Variants in PLCG2 observed in about 807,000 individuals in gnomAD.
PLCG2 encodes the protein 1-phosphatidylinositol 4,5-bisphosphate phosphodiesterase gamma-2.
Under a neutral mutation model 175.6 loss-of-function variants are expected in PLCG2, and 69 were observed. That is an observed-to-expected ratio of 0.39 (90% CI 0.32 to 0.48). The LOEUF (loss-of-function observed/expected upper bound fraction) is 0.48. Among genes scored for constraint, PLCG2 ranks in the 20% least tolerant of loss-of-function variants. PLCG2 has a pLI of 0.91. For missense variants in PLCG2, 1,798 were observed against 1,650.9 expected (o/e 1.09, Z -1.54); for synonymous variants, 827 against 624.0 (o/e 1.33, Z -4.85).
intron 9 of PLCG2, among the ~76,000 whole-genome samples, chr16:81,883,964 C>T (rs1225213661): frequency 6.6e-6 from 1 of 152,168 alleles, no homozygotes; most frequent in Non-Finnish European, 1.5e-5. Flanking sequence ...CGTGTCACAG[C>T]GGGAGGCTGC....
intron 9 of PLCG2, 78 bp from the exon 10 acceptor site, chr16:81,889,094 G>T (rs1210584260): frequency 2.3e-6 from 2 of 852,148 alleles, no homozygotes; most frequent in Middle Eastern, 2.3e-4. Flanking sequence ...CTTCGATTGC[G>T]ACTGGATGGA....
In PLCG2 at chr16:81,959,139, G is replaced by C. The variant is rs1911687864; in HGVS notation, c.*1141G>C. On this transcript the variant is annotated 3_prime_UTR_variant, in exon 33 of 33. Transcript: ENST00000564138. ...GGGTTGGGAAGGGAGGTGGTTGGTA[G>C]AGTCACAACTTCTCAATGAGTGAAT... 1 of 224,174 alleles carries C rather than the reference G, an allele frequency of 4.5e-6. No homozygotes were observed. Among genetic ancestry groups the C allele is most frequent in the Non-Finnish European group, 8.9e-6 (1 of 112,398 alleles). The allele number at this position is 224,174 out of a possible 1,614,324, so 13.9% of individuals were successfully genotyped here.
chr16:81,957,004 ATGGTGG>A (rs1911600614), intron 32 of PLCG2, 125 bp downstream of exon 32: 31 of 607,782 alleles, frequency 5.1e-5, no homozygotes, highest in Non-Finnish European at 7.3e-5. Context: ...TTGGCCGGGC[ATGGTGG>A]CTCACAGGCC....
chr16:81,860,387 G>A (rs1906922033), intron 5 of PLCG2, among the ~76,000 whole-genome samples: 1 of 151,922 alleles, frequency 6.6e-6, no homozygotes, highest in Non-Finnish European at 1.5e-5. Context: ...CTCATTTGAG[G>A]GAGCTGTGAG....
At chr16:81,769,904 C>T (rs992791567) in intron 2 of PLCG2, among the ~76,000 whole-genome samples, 11 of 151,688 alleles carry the variant, frequency 7.3e-5, no homozygotes, top group South Asian at 4.2e-4. Flanking sequence ...TCACACCTGC[C>T]GGTCGCTTAA....
At chr16:81,844,615 C>T (rs1438371742) in intron 2 of PLCG2, among the ~76,000 whole-genome samples, 3 of 152,246 alleles carry the variant, frequency 2.0e-5, no homozygotes, top group Non-Finnish European at 4.4e-5. Context: ...AGCCACTGTG[C>T]CTGGCCCACA....
intron 19 of PLCG2, among the ~76,000 whole-genome samples, chr16:81,919,052 C>T (rs1050065377): frequency 1.3e-5 from 2 of 152,168 alleles, no homozygotes; most frequent in Non-Finnish European, 2.9e-5. Context: ...TCTGTTGCAG[C>T]TACACAACTC....
chr16:81,876,981 G>A (rs999522603), intron 7 of PLCG2, among the ~76,000 whole-genome samples: 2 of 152,184 alleles, frequency 1.3e-5, no homozygotes, highest in African/African-American at 2.4e-5. Context: ...CCTTGGACTT[G>A]TTAGGAGAAA....
chr16:81,944,964 T>C (rs1253522918), intron 30 of PLCG2, among the ~76,000 whole-genome samples: 2 of 152,150 alleles, frequency 1.3e-5, no homozygotes, highest in Non-Finnish European at 2.9e-5. Context: ...AATTTTATAT[T>C]AAAATGCCAG....
chr16:81,940,098 G>A (rs745702984), intron 30 of PLCG2, 39 bp downstream of exon 30: 3 of 1,551,280 alleles, frequency 1.9e-6, no homozygotes, highest in African/African-American at 2.7e-5. Flanking sequence ...ATTTGGGCTG[G>A]CGTTGTACTT....
At chr16:81,941,404 A>C (rs1225260410) in intron 30 of PLCG2, among the ~76,000 whole-genome samples, 2 of 152,202 alleles carry the variant, frequency 1.3e-5, no homozygotes, top group African/African-American at 4.8e-5. Flanking sequence ...GGGTGGGGCC[A>C]AGGAATCTGC....
chr16:81,925,005 C>A (rs190275260), intron 22 of PLCG2, among the ~76,000 whole-genome samples: 1 of 152,232 alleles, frequency 6.6e-6, no homozygotes, highest in African/African-American at 2.4e-5. Flanking sequence ...CATCCTGGTG[C>A]GCACTGGGTG....
intron 19 of PLCG2, among the ~76,000 whole-genome samples, chr16:81,917,330 G>A (rs541440637): frequency 6.6e-6 from 1 of 151,400 alleles, no homozygotes; most frequent in Non-Finnish European, 1.5e-5. Flanking sequence ...TCTACACCTT[G>A]GCTATGGTGA....
chr16:81,836,290 G>A (rs564064336), intron 2 of PLCG2, among the ~76,000 whole-genome samples: 2 of 152,218 alleles, frequency 1.3e-5, no homozygotes, highest in Non-Finnish European at 2.9e-5. Context: ...GTGGCAGTGG[G>A]ACTGGATCGT....
chr16:81,793,923 G>C (rs1400640388), intron 2 of PLCG2, among the ~76,000 whole-genome samples: 3 of 152,194 alleles, frequency 2.0e-5, no homozygotes, highest in Non-Finnish European at 4.4e-5. Context: ...TCTTCTTCCT[G>C]CTCTGTGTTG....
rs559663957 is a variant in PLCG2, at chr16:81,802,367, C to A, written c.193+16185C>A. ...GACCTCGTGATCCACCCGCCTCGGC[C>A]TCCCAAAGTGCTGGGATTACAGGCG... is the stretch of plus-strand genomic sequence containing the variant. On this transcript the variant is annotated intron_variant, in intron 2 of 32. Transcript: ENST00000564138. Among the ~76,000 whole-genome samples, 4 of 152,064 alleles carry A rather than the reference C, an allele frequency of 2.6e-5. No individual in the cohort carries two copies. The East Asian group carries it at 5.8e-4, about 22-fold the overall frequency.
chr16:81,919,640 C>G lies in PLCG2; in HGVS notation c.2211C>G (p.Pro737=). 3.1e-6 allele frequency: 5 copies of G among 1,613,998 alleles called. No individual in the cohort carries two copies. The South Asian group carries it at 5.5e-5, about 18-fold the overall frequency. The change falls in exon 20 of 33, where the codon CCC becomes CCG. Residue 737 remains proline, a synonymous_variant. Coordinates refer to ENST00000564138, the MANE Select transcript of PLCG2 (RefSeq NM_002661.5). ...TGAGACTGCGCTACCCCGTGACCCCCGAGCTCCTGGAGCGCTACAATATGG... is the reference window on the plus strand; with the variant it reads ...TGAGACTGCGCTACCCCGTGACCCCGGAGCTCCTGGAGCGCTACAATATGG... ...RKMRLRYPVT[P]ELLERYNMER...
rs181169735 is a variant in PLCG2, at chr16:81,868,879, C to T, written c.480-335C>T. 1.1e-4 allele frequency among the ~76,000 whole-genome samples: 16 copies of T among 152,292 alleles called. No homozygotes were observed. The East Asian group carries it at 2.9e-3, about 28-fold the overall frequency. On this transcript the variant is annotated intron_variant, in intron 5 of 32. Transcript: ENST00000564138. ...CTGGGGATCTCCAGTGTAGGTGCCT[C>T]CTCATTGGGGCATCACTGTACGCTA...
chr16:81,908,275 C>G, intron 16 of PLCG2, 141 bp from the exon 17 acceptor site: 1 of 709,538 alleles, frequency 1.4e-6, no homozygotes, highest in South Asian at 1.9e-5. Context: ...TTTTCCCATA[C>G]CCCTTCGGGT....
Sources: gnomAD v4.1 joint callset for allele counts (sites outside exome capture counted in the v4.1 genomes callset) on GRCh38, gnomAD v4.1.1 for gene constraint, MANE v1.5 for transcripts, NCBI Gene and HGNC (gene_info 2026-07-23, HGNC 2026-07-21) for gene names.